The following TRPM2 variants were observed in gnomAD, a reference collection of about 807,000 sequenced individuals.
TRPM2 encodes the protein transient receptor potential cation channel subfamily M member 2, also known as estrogen-responsive element-associated gene 1 protein.
A neutral mutation model predicts 174.0 loss-of-function variants in TRPM2; 161 were observed. The observed-to-expected ratio is 0.93, with a 90% CI of 0.81 to 1.05. The LOEUF (loss-of-function observed/expected upper bound fraction) is 1.05, where lower values mean the gene tolerates loss of function less well. TRPM2 is among the 50% of genes least tolerant of loss of function. The probability of loss-of-function intolerance (pLI) is 0.00; values close to 1 mark genes in which losing one functional copy is unlikely to be tolerated. For missense variants in TRPM2, 2,057 were observed against 2,038.0 expected, an observed-to-expected ratio of 1.01 and a Z score of -0.18; for synonymous variants, 954 against 861.3, an observed-to-expected ratio of 1.11 and a Z score of -1.88.
At chr21:44,435,588 T>C (rs2051214720) in intron 28 of TRPM2, among the ~76,000 whole-genome samples, 2 of 133,722 alleles carry the variant, frequency 1.5e-5, no homozygotes, top group Non-Finnish European at 3.2e-5. Flanking sequence ...CACTGACCCC[T>C]CAGACTCACT....
At chr21:44,427,998 A>G (rs757852080) in intron 27 of TRPM2, among the ~76,000 whole-genome samples, 3 of 152,112 alleles carry the variant, frequency 2.0e-5, no homozygotes, top group Non-Finnish European at 4.4e-5. Context: ...CATGGGCAAC[A>G]AGGCGTGAGC....
Position 44,426,676 on chromosome 21 carries a change from A to G in TRPM2, c.3812A>G (p.Tyr1271Cys), listed in dbSNP as rs1255872917. The change falls in exon 26 of 32, where the codon TAT (tyrosine) becomes TGT (cysteine). Residue 1271 changes from tyrosine to cysteine, a missense_variant. Physicochemically the swap from Tyr to Cys is radical, Grantham distance 194. Transcript: ENST00000397928. ...TTGCGACAGACGGAGTTCCTGATCT[A>G]TGACCCACCCTTTTACACGGCAGAG... ...KVPWETEFLI[Y>C]DPPFYTAERK... 2 of 1,614,132 alleles carry G rather than the reference A, an allele frequency of 1.2e-6. No homozygotes were observed. The highest frequency in any genetic ancestry group is 1.7e-6 in the Non-Finnish European group (2 of 1,180,024).
At position 44,377,739 on chromosome 21, in the gene TRPM2, G is replaced by A. The variant is rs1345458817; in HGVS notation, c.980G>A (p.Cys327Tyr). ...GTGGCCATCAAGATCCCCATCGTGT[G>A]CGTGGTGCTGGAGGGCGGCCCGGGC... ...GGVAIKIPIV[C>Y]VVLEGGPGTL... Residue 327 changes from cysteine (C) to tyrosine (Y), a missense_variant, in exon 7 of 32, where the codon TGC becomes TAC. Physicochemically the swap from Cys to Tyr is radical, Grantham distance 194. Coordinates refer to ENST00000397928, the MANE Select transcript of TRPM2 (RefSeq NM_003307.4). The A allele has an allele frequency of 6.2e-7, 1 of 1,614,212 alleles. No homozygotes were observed. Among genetic ancestry groups the A allele is most frequent in the Non-Finnish European group, 8.5e-7 (1 of 1,180,042 alleles).
At position 44,426,740 on chromosome 21, in the gene TRPM2, A is replaced by G. The variant is rs1397126380; in HGVS notation, c.3872+4A>G. 1 of 1,613,814 alleles carries G rather than the reference A, an allele frequency of 6.2e-7. No individual in the cohort carries two copies. On this transcript the variant is annotated splice_donor_region_variant and intron_variant, in intron 26 of 31. Coordinates refer to ENST00000397928, the MANE Select transcript of TRPM2 (RefSeq NM_003307.4). ...CCGCCATGGACCCCATGGGAGAGTG[A>G]GTATGAGCCGCTGTCCGTGCTCCCA... is the stretch of plus-strand genomic sequence containing the variant.
At chr21:44,374,569 C>T (rs958167393) in intron 5 of TRPM2, among the ~76,000 whole-genome samples, 2 of 152,158 alleles carry the variant, frequency 1.3e-5, no homozygotes, top group Admixed American at 6.5e-5. Flanking sequence ...GTCCCATCAT[C>T]TGGGGGTGAT....
At chr21:44,358,392 G>A (rs959040946) in intron 2 of TRPM2, among the ~76,000 whole-genome samples, 2 of 152,196 alleles carry the variant, frequency 1.3e-5, no homozygotes, top group African/African-American at 4.8e-5. Context: ...CCCCTTGGGT[G>A]GCAGGAAGGA....
Position 44,390,907 on chromosome 21 carries a change from C to T in TRPM2, c.1322C>T (p.Ser441Leu), listed in dbSNP as rs907037161. Residue 441 changes from serine to leucine, a missense_variant, in exon 10 of 32, where the codon TCA becomes TTA. Transcript: ENST00000397928. ...ATATGCACCTGTTCATCTGCAGCCTCACGGAGCCAAGACCACTTTGGCCAC... is the reference window on the plus strand; with the variant it reads ...ATATGCACCTGTTCATCTGCAGCCTTACGGAGCCAAGACCACTTTGGCCAC... ...VAILQALLKA[S>L]RSQDHFGHEN... The T allele has an allele frequency of 1.1e-5, 18 of 1,613,952 alleles. No homozygotes were observed. Among genetic ancestry groups the T allele is most frequent in the Non-Finnish European group, 1.4e-5 (17 of 1,180,036 alleles).
At position 44,424,917 on chromosome 21, in the gene TRPM2, G is replaced by A. The variant is rs773744018; in HGVS notation, c.3615G>A (p.Ser1205=). The A allele has an allele frequency of 1.1e-5, 18 of 1,606,342 alleles. No homozygotes were observed. Among genetic ancestry groups the A allele is most frequent in the African/African-American group, 6.7e-5 (5 of 74,824 alleles). Residue 1205 remains serine, a synonymous_variant, in exon 24 of 32, where the codon TCG becomes TCA. Coordinates refer to ENST00000397928, the MANE Select transcript of TRPM2 (RefSeq NM_003307.4). ...VRTLRASGFS[S]EADVPTLASQ... is the part of the protein sequence containing the mutation. ...CGCTGCGGGCCAGCGGCTTCAGCTC[G>A]GAGGCGGACGTCCCCACTCTGGGTG...
At chr21:44,433,657 T>C (rs936923607) in intron 27 of TRPM2, among the ~76,000 whole-genome samples, 10 of 152,260 alleles carry the variant, frequency 6.6e-5, no homozygotes, top group African/African-American at 2.2e-4. Flanking sequence ...GCTCTGTAGC[T>C]GGGTGGGGCC....
In TRPM2 at chr21:44,413,982, G is replaced by A. The variant is rs184241745; in HGVS notation, c.3054G>A (p.Pro1018=). The A allele has an allele frequency of 5.3e-5, 85 of 1,613,870 alleles. No individual in the cohort carries two copies. The African/African-American group carries it at 5.6e-4, about 11-fold the overall frequency. ...AGAGCGACGCGACGCAGCAGAGGCC[G>A]GCCTTCCCTGAGTGGCTGACGGTCC... ...CPESDATQQR[P]AFPEWLTVLL... The change falls in exon 20 of 32, where the codon CCG becomes CCA. Residue 1018 remains proline (P), a synonymous_variant. Coordinates refer to ENST00000397928, the MANE Select transcript of TRPM2 (RefSeq NM_003307.4).
At chr21:44,389,934 G>A (rs570750836) in intron 9 of TRPM2, among the ~76,000 whole-genome samples, 7 of 149,816 alleles carry the variant, frequency 4.7e-5, no homozygotes, top group East Asian at 3.9e-4. Context: ...GTGCAGTGGC[G>A]CGATCTCGGA....
chr21:44,355,368 T>A (rs2146110264), intron 2 of TRPM2, among the ~76,000 whole-genome samples: 1 of 152,326 alleles, frequency 6.6e-6, no homozygotes, highest in East Asian at 1.9e-4. Flanking sequence ...TGATTCATGT[T>A]TGTGTGCCCT....
At chr21:44,386,198 A>G (rs2049011387) in intron 9 of TRPM2, among the ~76,000 whole-genome samples, 1 of 152,168 alleles carries the variant, frequency 6.6e-6, no homozygotes, top group Admixed American at 6.5e-5. Flanking sequence ...ATCCTGGCTA[A>G]CATGGTGAAA....
chr21:44,406,960 G>A (rs2049908544), intron 19 of TRPM2, among the ~76,000 whole-genome samples, 195 bp downstream of exon 19: 1 of 149,908 alleles, frequency 6.7e-6, no homozygotes, highest in Non-Finnish European at 1.5e-5. Flanking sequence ...CACCAGGGGA[G>A]GGAGGAGGGG....
intron 28 of TRPM2, 52 bp from the exon 29 acceptor site, chr21:44,437,010 G>T: frequency 2.6e-6 from 4 of 1,510,334 alleles, no homozygotes; most frequent in Non-Finnish European, 3.6e-6. Context: ...CGGCGCAGGG[G>T]AGGGTGGAGG....
chr21:44,358,914 T>A (rs1268038450), intron 2 of TRPM2, among the ~76,000 whole-genome samples: 1 of 152,126 alleles, frequency 6.6e-6, no homozygotes, highest in East Asian at 1.9e-4. Context: ...CAAGATATAT[T>A]GTGAAGAGCG....
chr21:44,400,991 T>G (rs1262405073), intron 15 of TRPM2, among the ~76,000 whole-genome samples: 1 of 152,160 alleles, frequency 6.6e-6, no homozygotes, highest in East Asian at 1.9e-4. Flanking sequence ...GAGCCCCTTC[T>G]GCAACCCGCA....
At chr21:44,400,974 G>C (rs1273360922) in intron 15 of TRPM2, among the ~76,000 whole-genome samples, 1 of 152,184 alleles carries the variant, frequency 6.6e-6, no homozygotes, top group African/African-American at 2.4e-5. Context: ...ACCCCAGCGA[G>C]GTGGCTGAGC....
chr21:44,413,784 T>C (rs2050183434), intron 19 of TRPM2, 107 bp from the exon 20 acceptor site: 2 of 1,323,850 alleles, frequency 1.5e-6, no homozygotes, highest in Middle Eastern at 1.9e-4. Context: ...GCATCAGGCC[T>C]GCGGGGGACC....
Sources: gnomAD v4.1 joint callset for allele counts (sites outside exome capture counted in the v4.1 genomes callset) on GRCh38, gnomAD v4.1.1 for gene constraint, MANE v1.5 for transcripts, NCBI Gene and HGNC (gene_info 2026-07-23, HGNC 2026-07-21) for gene names.